The following DLG2 variants were observed in gnomAD, a reference collection of about 807,000 sequenced individuals.
DLG2 encodes the protein disks large homolog 2.
In DLG2, 45 loss-of-function variants were observed where a neutral mutation model predicts 132.5. The observed-to-expected ratio is 0.34, with a 90% CI of 0.27 to 0.44. The LOEUF (loss-of-function observed/expected upper bound fraction) is 0.44, where lower values mean the gene tolerates loss of function less well. Among genes scored for constraint, DLG2 ranks in the 20% least tolerant of loss-of-function variants. The pLI is 1.00. For synonymous variants in DLG2, 424 were observed against 419.6 expected, an observed-to-expected ratio of 1.01 and a Z score of -0.13; for missense variants, 1,045 against 1,196.9, an observed-to-expected ratio of 0.87 and a Z score of 1.87.
At chr11:85,395,801 C>T (rs2087293199) in intron 3 of DLG2, among the ~76,000 whole-genome samples, 1 of 152,208 alleles carries the variant, frequency 6.6e-6, no homozygotes, top group African/African-American at 2.4e-5. Context: ...TCAGCAAGGC[C>T]TACTGCCTCT....
intron 22 of DLG2, among the ~76,000 whole-genome samples, chr11:83,474,647 C>T (rs2092433395): frequency 6.6e-6 from 1 of 152,008 alleles, no homozygotes; most frequent in South Asian, 2.1e-4. Context: ...TCTCCAGTGC[C>T]CCATTGAGTG....
At chr11:83,913,765 A>C (rs1334691238) in intron 15 of DLG2, among the ~76,000 whole-genome samples, 1 of 152,146 alleles carries the variant, frequency 6.6e-6, no homozygotes, top group African/African-American at 2.4e-5. Flanking sequence ...AAGGACCTCA[A>C]AGAAAGGGAG....
intron 10 of DLG2, among the ~76,000 whole-genome samples, chr11:84,077,694 A>C (rs538896350): frequency 6.6e-6 from 1 of 152,356 alleles, no homozygotes; most frequent in Non-Finnish European, 1.5e-5. Flanking sequence ...TTTCAAATGT[A>C]TCCCATGGGA....
intron 6 of DLG2, among the ~76,000 whole-genome samples, chr11:84,910,773 ACAACAAC>A (rs1447949096): frequency 6.6e-6 from 1 of 151,486 alleles, no homozygotes. Context: ...AACAACAACA[ACAACAAC>A]AACAACAACA....
At chr11:84,545,031 G>T (rs528415630) in intron 6 of DLG2, 5 of 441,710 alleles carry the variant, frequency 1.1e-5, no homozygotes, top group Non-Finnish European at 1.8e-5. Context: ...GCAGCTAGGT[G>T]CTGCCACCAC....
intron 6 of DLG2, among the ~76,000 whole-genome samples, chr11:84,696,214 G>T (rs1453730369): frequency 6.6e-6 from 1 of 151,532 alleles, no homozygotes; most frequent in Non-Finnish European, 1.5e-5. Context: ...AGAACTCTAT[G>T]CTACTTATTA....
At chr11:84,907,889 G>C (rs760350423) in intron 6 of DLG2, among the ~76,000 whole-genome samples, 1 of 152,174 alleles carries the variant, frequency 6.6e-6, no homozygotes, top group African/African-American at 2.4e-5. Context: ...GACTGTAGTT[G>C]AGTGTTGAAA....
At chr11:85,513,261 G>A (rs189560632) in intron 3 of DLG2, among the ~76,000 whole-genome samples, 1 of 151,978 alleles carries the variant, frequency 6.6e-6, no homozygotes, top group East Asian at 1.9e-4. Context: ...AATTAGCAAT[G>A]GGATCATTAG....
intron 7 of DLG2, among the ~76,000 whole-genome samples, chr11:84,320,115 A>G (rs2098395568): frequency 6.6e-6 from 1 of 152,198 alleles, no homozygotes; most frequent in Admixed American, 6.5e-5. Flanking sequence ...TTAGCGATGC[A>G]CAAGTACACA....
chr11:84,282,582 T>A (rs2097863501), intron 7 of DLG2, among the ~76,000 whole-genome samples: 1 of 152,162 alleles, frequency 6.6e-6, no homozygotes, highest in South Asian at 2.1e-4. Flanking sequence ...GGGCTTATCA[T>A]AAGTGATAAG....
chr11:85,264,797 G>T (rs1347590462), intron 4 of DLG2, among the ~76,000 whole-genome samples: 1 of 152,102 alleles, frequency 6.6e-6, no homozygotes, highest in Non-Finnish European at 1.5e-5. Flanking sequence ...TTTCTTTCAG[G>T]TCTCATGGAT....
chr11:83,490,841 GGAA>G (rs1252751982), intron 21 of DLG2, among the ~76,000 whole-genome samples: 1 of 151,882 alleles, frequency 6.6e-6, no homozygotes, highest in Non-Finnish European at 1.5e-5. Flanking sequence ...AAGGAGATAA[GGAA>G]ATAGGACCAA....
chr11:85,188,509 A>G (rs1269710088), intron 4 of DLG2, among the ~76,000 whole-genome samples: 1 of 152,224 alleles, frequency 6.6e-6, no homozygotes, highest in Non-Finnish European at 1.5e-5. Flanking sequence ...AGAGAAAAGC[A>G]GTCAACAGAA....
intron 4 of DLG2, among the ~76,000 whole-genome samples, chr11:85,162,200 G>A (rs770655064): frequency 3.3e-5 from 5 of 152,120 alleles, no homozygotes; most frequent in South Asian, 2.1e-4. Context: ...ACTCCACAAC[G>A]GGAAGTAAGG....
At chr11:84,534,228 A>G in intron 7 of DLG2, among the ~76,000 whole-genome samples, 1 of 152,198 alleles carries the variant, frequency 6.6e-6, no homozygotes, top group East Asian at 1.9e-4. Context: ...TTGGACCACG[A>G]GTACTGACAA....
At chr11:85,177,767 C>G (rs546344810) in intron 4 of DLG2, among the ~76,000 whole-genome samples, 65 of 152,098 alleles carry the variant, frequency 4.3e-4, no homozygotes, top group Non-Finnish European at 7.1e-4. Context: ...TGGAAGCTAC[C>G]TTAACCAAGT....
intron 19 of DLG2, among the ~76,000 whole-genome samples, chr11:83,578,073 T>TACACACACACACAC (rs554190947): frequency 2.3e-4 from 20 of 88,192 alleles, no homozygotes; most frequent in African/African-American, 8.1e-4. Context: ...TATATATATG[T>TACACACACACACAC]ATACACACAC....
chr11:84,116,320 C>T (rs921134905), intron 9 of DLG2, among the ~76,000 whole-genome samples: 1 of 152,236 alleles, frequency 6.6e-6, no homozygotes, highest in African/African-American at 2.4e-5. Flanking sequence ...AAGGATATCC[C>T]TGTCCTGCTC....
intron 18 of DLG2, among the ~76,000 whole-genome samples, chr11:83,775,888 C>T (rs551601500): frequency 5.3e-5 from 8 of 152,074 alleles, no homozygotes; most frequent in Non-Finnish European, 1.0e-4. Flanking sequence ...ATCAGGAGAT[C>T]GAGACCATCC....
Sources: gnomAD v4.1 joint callset for allele counts (sites outside exome capture counted in the v4.1 genomes callset) on GRCh38, gnomAD v4.1.1 for gene constraint, MANE v1.5 for transcripts, NCBI Gene and HGNC (gene_info 2026-07-23, HGNC 2026-07-21) for gene names.